TCTN3: variants seen among roughly 807,000 people sequenced by gnomAD.
TCTN3 encodes tectonic-3.
Under a neutral mutation model 71.3 loss-of-function variants are expected in TCTN3, and 57 were observed. That is an observed-to-expected ratio of 0.80 (90% CI 0.65 to 1.00). TCTN3 has a LOEUF of 1.00. Ranked by LOEUF, TCTN3 falls within the 50% of genes least tolerant of loss-of-function variation. The pLI, the probability that TCTN3 is intolerant of heterozygous loss-of-function variation, is 0.00. For synonymous variants in TCTN3, 258 were observed against 267.8 expected (o/e 0.96, Z 0.36); for missense variants, 696 against 719.9 (o/e 0.97, Z 0.38).
intron 13 of TCTN3, among the ~76,000 whole-genome samples, chr10:95,677,384 T>TA (rs2097938076): frequency 6.6e-6 from 1 of 151,492 alleles, no homozygotes; most frequent in Admixed American, 6.6e-5. Context: ...AAACACTGAT[T>TA]AAAAATACCA....
chr10:95,668,784 G>A (rs577311661), intron 13 of TCTN3, among the ~76,000 whole-genome samples: 1 of 152,148 alleles, frequency 6.6e-6, no homozygotes, highest in Admixed American at 6.5e-5. Context: ...AAAGTCCCAC[G>A]ACCACTGCGG....
intron 3 of TCTN3, among the ~76,000 whole-genome samples, chr10:95,691,341 A>G (rs1478729900): frequency 6.6e-6 from 1 of 151,962 alleles, no homozygotes; most frequent in Admixed American, 6.6e-5. Context: ...TTTAGTAGAG[A>G]CAGGGTTTCA....
chr10:95,677,182 T>G (rs982996995), intron 13 of TCTN3, among the ~76,000 whole-genome samples: 1 of 152,172 alleles, frequency 6.6e-6, no homozygotes, highest in Non-Finnish European at 1.5e-5. Flanking sequence ...AAACTAGTTG[T>G]TTCTTCCTAG....
intron 13 of TCTN3, among the ~76,000 whole-genome samples, chr10:95,669,806 G>C (rs1002222907): frequency 6.6e-6 from 1 of 152,112 alleles, no homozygotes; most frequent in Non-Finnish European, 1.5e-5. Context: ...GCTCACGCCT[G>C]TAATCCCAGC....
chr10:95,676,317 G>A (rs2097937151), intron 13 of TCTN3, among the ~76,000 whole-genome samples: 1 of 150,380 alleles, frequency 6.6e-6, no homozygotes, highest in Non-Finnish European at 1.5e-5. Context: ...TGCAGTGGCA[G>A]GATCTTTGCT....
At chr10:95,679,825 C>A (rs943204812) in intron 13 of TCTN3, among the ~76,000 whole-genome samples, 14 of 151,882 alleles carry the variant, frequency 9.2e-5, no homozygotes, top group Admixed American at 4.6e-4. Flanking sequence ...CTCCTGACCT[C>A]GTGATCCGCC....
intron 12 of TCTN3, 106 bp downstream of exon 12, chr10:95,682,545 G>T: frequency 1.5e-6 from 2 of 1,305,402 alleles, no homozygotes; most frequent in Non-Finnish European, 2.1e-6. Flanking sequence ...TTCCTTCTAT[G>T]ACAAATGCAT....
intron 13 of TCTN3, among the ~76,000 whole-genome samples, chr10:95,667,895 A>G (rs2097927144): frequency 6.6e-6 from 1 of 152,130 alleles, no homozygotes; most frequent in Non-Finnish European, 1.5e-5. Flanking sequence ...GCTTACTCTT[A>G]TTTTGGATTG....
rs576518466 is a variant in TCTN3, at chr10:95,680,533, A to C, written c.1529T>G (p.Leu510Arg). Reference protein sequence around the residue: ...IQVLWAYVGLLSNPQAHVSGV... With the variant: ...IQVLWAYVGLRSNPQAHVSGV... Reference sequence around the variant, plus strand: ...TGATACATGAGCTTGCGGGTTGGACAGGAGACCTACATATGCCCACAATAC... The same window carrying C: ...TGATACATGAGCTTGCGGGTTGGACCGGAGACCTACATATGCCCACAATAC... The change falls in exon 13 of 14, where the codon CTG becomes CGG. Residue 510 changes from leucine to arginine, a missense_variant. Leu to Arg is a moderately radical substitution (Grantham distance 102). Coordinates refer to ENST00000371217, the MANE Select transcript of TCTN3 (RefSeq NM_015631.6). 1 of 1,614,174 alleles carries C rather than the reference A, an allele frequency of 6.2e-7. No homozygotes were observed. Among genetic ancestry groups the C allele is most frequent in the Admixed American group, 1.7e-5 (1 of 60,026 alleles).
chr10:95,664,476 T>C (rs980210290), intron 13 of TCTN3, among the ~76,000 whole-genome samples, 176 bp from the exon 14 acceptor site: 1 of 152,200 alleles, frequency 6.6e-6, no homozygotes, highest in African/African-American at 2.4e-5. Context: ...AGGAAATGAA[T>C]ATCTTAGCAA....
intron 3 of TCTN3, among the ~76,000 whole-genome samples, chr10:95,692,499 C>T (rs916938800): frequency 6.6e-5 from 10 of 150,718 alleles, no homozygotes; most frequent in African/African-American, 2.2e-4. Flanking sequence ...GGTGGAGGCT[C>T]CGTCTCAAAA....
Position 95,687,104 on chromosome 10 carries a change from A to T in TCTN3, c.792T>A (p.Ser264Arg). ...TGAGGGCTGAATCCAAGGTACAGCT[A>T]CTAGCCAGGTTCTTGAAAAAACGAG... Reference protein sequence around the residue: ...TCTRFFKNLASSCTLDSALNA... With the variant: ...TCTRFFKNLARSCTLDSALNA... Residue 264 changes from serine to arginine, a missense_variant, in exon 6 of 14, where the codon AGT becomes AGA. Coordinates refer to ENST00000371217, the MANE Select transcript of TCTN3 (RefSeq NM_015631.6). 1 of 1,614,250 alleles carries T rather than the reference A, an allele frequency of 6.2e-7. No individual in the cohort carries two copies. The highest frequency in any genetic ancestry group is 8.5e-7 in the Non-Finnish European group (1 of 1,180,036).
intron 3 of TCTN3, 67 bp from the exon 4 acceptor site, chr10:95,687,786 A>G (rs2097949895): frequency 1.9e-6 from 3 of 1,552,196 alleles, no homozygotes; most frequent in Non-Finnish European, 1.7e-6. Flanking sequence ...CTAATTTTAA[A>G]AAATATTTTT....
intron 13 of TCTN3, among the ~76,000 whole-genome samples, chr10:95,668,190 GACA>G (rs1410885555): frequency 1.5e-5 from 2 of 136,030 alleles, no homozygotes; most frequent in Admixed American, 7.9e-5. Flanking sequence ...TAAGGAGATA[GACA>G]ACGAGAGAAA....
intron 13 of TCTN3, among the ~76,000 whole-genome samples, chr10:95,666,240 C>CTTTT (rs35125356): frequency 1.4e-5 from 2 of 138,230 alleles, no homozygotes; most frequent in African/African-American, 2.7e-5. Flanking sequence ...CATGCCCAGC[C>CTTTT]TTTTTTTTTT....
intron 13 of TCTN3, among the ~76,000 whole-genome samples, chr10:95,666,511 T>A (rs2097925849): frequency 6.6e-6 from 1 of 152,218 alleles, no homozygotes; most frequent in African/African-American, 2.4e-5. Context: ...ACTTTAGTTT[T>A]CCTTCAGGAA....
Position 95,683,293 on chromosome 10 carries a change from T to C in TCTN3, c.1204-98A>G, listed in dbSNP as rs150367642. On this transcript the variant is annotated intron_variant, in intron 10 of 13. Coordinates refer to ENST00000371217, the MANE Select transcript of TCTN3 (RefSeq NM_015631.6). ...TCTCATTCTCCTTTAATGCTATTTATTTTGTATTACTATCATAATGTTCGA... is the reference window on the plus strand; with the variant it reads ...TCTCATTCTCCTTTAATGCTATTTACTTTGTATTACTATCATAATGTTCGA... 1,608 of 1,513,706 alleles carry C rather than the reference T, an allele frequency of 1.1e-3. 27 individuals are homozygous for C. The highest frequency in any genetic ancestry group is 8.5e-5 in the Non-Finnish European group (95 of 1,119,900). The allele number at this position is 1,513,706 out of a possible 1,614,324, so 93.8% of individuals were successfully genotyped here.
intron 13 of TCTN3, among the ~76,000 whole-genome samples, chr10:95,671,124 G>A (rs1267281549): frequency 6.6e-6 from 1 of 152,198 alleles, no homozygotes; most frequent in Non-Finnish European, 1.5e-5. Context: ...TTTAGTGTGT[G>A]CAACAGGAAG....
At chr10:95,677,474 G>GGTTTTTTTTTTTTTTTTTT (rs2097938217) in intron 13 of TCTN3, among the ~76,000 whole-genome samples, 2 of 80,738 alleles carry the variant, frequency 2.5e-5, no homozygotes, top group Admixed American at 1.5e-4. Context: ...GAAGTCTACA[G>GGTTTTTTTTTTTTTTTTTT]TTTTTTTTGT....
Sources: allele counts gnomAD v4.1 joint callset (sites outside exome capture counted in the v4.1 genomes callset), GRCh38; gene constraint gnomAD v4.1.1; transcripts MANE v1.5; gene names NCBI Gene and HGNC (gene_info 2026-07-23, HGNC 2026-07-21).